LRRK1: variants seen among roughly 807,000 people sequenced by gnomAD.
LRRK1 encodes leucine rich repeat kinase 1.
A neutral mutation model predicts 209.1 loss-of-function variants in LRRK1; 113 were observed. The ratio of observed to expected loss-of-function variants is 0.54; its 90% CI spans 0.46 to 0.63. LRRK1 has a LOEUF of 0.63. Among genes scored for constraint, LRRK1 ranks in the 30% least tolerant of loss-of-function variants. LRRK1 has a pLI of 0.00. For synonymous variants in LRRK1, 1,144 were observed against 1,099.7 expected (o/e 1.04, Z -0.80); for missense variants, 2,284 against 2,632.2 (o/e 0.87, Z 2.89).
At chr15:100,978,416 C>G (rs8026165) in intron 3 of LRRK1, among the ~76,000 whole-genome samples, 1 of 151,906 alleles carries the variant, frequency 6.6e-6, no homozygotes, top group Non-Finnish European at 1.5e-5. Context: ...CAGGATATGC[C>G]CAGAGAAATC....
intron 20 of LRRK1, chr15:101,043,832 G>A (rs2034900642): frequency 2.0e-5 from 3 of 152,412 alleles, no homozygotes; most frequent in South Asian, 4.1e-4. Flanking sequence ...AAAATATTCA[G>A]ACCAGCAGAA....
chr15:100,956,553 C>T (rs1235008608), intron 2 of LRRK1, among the ~76,000 whole-genome samples: 2 of 148,894 alleles, frequency 1.3e-5, no homozygotes, highest in Non-Finnish European at 3.0e-5. Flanking sequence ...GCAGCCTCCA[C>T]CTCCCGGGTT....
Position 100,988,706 on chromosome 15 carries a change from T to C in LRRK1, c.506T>C (p.Val169Ala). Residue 169 changes from valine (V) to alanine (A), a missense_variant, in exon 5 of 34, where the codon GTG becomes GCG. By Grantham distance (64) the Val-to-Ala change is moderately conservative (BLOSUM62 0). Coordinates refer to ENST00000388948, the MANE Select transcript of LRRK1 (RefSeq NM_024652.6). ...TGCCAGCGAGGGCACCTGGGGGTTGTGAAGCTCCTGGTCCTGACGCACGGG... is the reference window on the plus strand; with the variant it reads ...TGCCAGCGAGGGCACCTGGGGGTTGCGAAGCTCCTGGTCCTGACGCACGGG... ...LACQRGHLGVVKLLVLTHGAD... is the reference protein window; with the variant it reads ...LACQRGHLGVAKLLVLTHGAD... 6.2e-7 allele frequency: 1 copy of C among 1,614,196 alleles called. No homozygotes were observed. The highest frequency in any genetic ancestry group is 8.5e-7 in the Non-Finnish European group (1 of 1,180,034).
In LRRK1 at chr15:101,074,237, A is replaced by G. The variant is rs1005662721; in HGVS notation, c.*5389A>G. 1.3e-5 allele frequency: 2 copies of G among 151,948 alleles called. No individual in the cohort carries two copies. Among genetic ancestry groups the G allele is most frequent in the Admixed American group, 1.3e-4 (2 of 15,244 alleles). The allele number at this position is 151,948 out of a possible 1,614,324, so 9.4% of individuals were successfully genotyped here. ...AGGCTGCTCCTTGCCAGGCCGAGCT[A>G]GGTCCCAATTCTTCCTCAGCCTCCG... On this transcript the variant is annotated 3_prime_UTR_variant, in exon 34 of 34. Coordinates refer to ENST00000388948, the MANE Select transcript of LRRK1 (RefSeq NM_024652.6).
intron 4 of LRRK1, among the ~76,000 whole-genome samples, chr15:100,984,170 A>G (rs1332762096): frequency 1.3e-5 from 2 of 152,266 alleles, no homozygotes; most frequent in Admixed American, 6.5e-5. Context: ...CAGGTGCTAT[A>G]TTTCAGAACC....
chr15:100,982,600 C>G (rs574629137), intron 3 of LRRK1, among the ~76,000 whole-genome samples: 12 of 152,332 alleles, frequency 7.9e-5, no homozygotes, highest in African/African-American at 2.9e-4. Context: ...TTTCCTTCCT[C>G]TGGGCCACCA....
intron 2 of LRRK1, among the ~76,000 whole-genome samples, chr15:100,929,668 T>C (rs1297589486): frequency 2.6e-5 from 4 of 152,128 alleles, no homozygotes; most frequent in Admixed American, 2.6e-4. Context: ...CCAGCCCACA[T>C]CTCTGACCTG....
chr15:100,923,836 A>C (rs2042061301), intron 1 of LRRK1, among the ~76,000 whole-genome samples: 1 of 151,708 alleles, frequency 6.6e-6, no homozygotes, highest in Non-Finnish European at 1.5e-5. Flanking sequence ...GGCCTGTAGC[A>C]CTCTCCCCCA....
At chr15:101,062,774 G>A (rs777994070) in intron 31 of LRRK1, 84 bp downstream of exon 31, 197 of 963,072 alleles carry the variant, frequency 2.0e-4, no homozygotes, top group Non-Finnish European at 2.8e-4. Flanking sequence ...TCAGGGTGGC[G>A]CCTGCAGAGC....
At chr15:101,058,617 C>CGGGA (rs1555479977) in intron 29 of LRRK1, among the ~76,000 whole-genome samples, 1 of 75,366 alleles carries the variant, frequency 1.3e-5, no homozygotes, top group Non-Finnish European at 2.2e-5. Flanking sequence ...GAAGGGGCAA[C>CGGGA]GGGGGGGGGC....
chr15:101,049,485 G>A (rs573205371), intron 22 of LRRK1, 159 bp from the exon 23 acceptor site: 21 of 725,836 alleles, frequency 2.9e-5, no homozygotes, highest in South Asian at 1.1e-4. Context: ...GCAGGGCCAC[G>A]CACACGTACA....
chr15:100,965,782 T>A (rs2141642115), intron 2 of LRRK1, among the ~76,000 whole-genome samples: 2 of 152,338 alleles, frequency 1.3e-5, no homozygotes, highest in East Asian at 3.9e-4. Context: ...GTATTAGCTT[T>A]ACATTAAAAG....
intron 2 of LRRK1, among the ~76,000 whole-genome samples, chr15:100,942,184 G>A (rs2042451821): frequency 6.6e-6 from 1 of 152,216 alleles, no homozygotes; most frequent in African/African-American, 2.4e-5. Flanking sequence ...AATACTGAGT[G>A]AGAATGTCAA....
chr15:101,060,877 G>A (rs566561021), intron 29 of LRRK1, among the ~76,000 whole-genome samples: 19 of 152,374 alleles, frequency 1.2e-4, no homozygotes, highest in East Asian at 3.9e-4. Flanking sequence ...TAACAGGGGC[G>A]GGCAGGATAT....
chr15:101,057,452 G>C (rs1371936082), intron 28 of LRRK1, among the ~76,000 whole-genome samples: 1 of 152,164 alleles, frequency 6.6e-6, no homozygotes, highest in East Asian at 1.9e-4. Flanking sequence ...TGGTGTTTTT[G>C]TGTTTTTGGA....
chr15:100,924,784 T>G, intron 2 of LRRK1, 55 bp downstream of exon 2: 3 of 1,342,452 alleles, frequency 2.2e-6, no homozygotes, highest in Non-Finnish European at 2.1e-6. Context: ...ATGCTCATCC[T>G]GCAGGGTGTC....
chr15:100,994,871 G>A (rs1347075771), intron 6 of LRRK1, among the ~76,000 whole-genome samples: 2 of 152,166 alleles, frequency 1.3e-5, no homozygotes, highest in Admixed American at 1.3e-4. Context: ...AGAGGGTTCC[G>A]GCAGTCAGGA....
intron 31 of LRRK1, among the ~76,000 whole-genome samples, chr15:101,063,249 C>T (rs1285201904): frequency 6.6e-6 from 1 of 152,218 alleles, no homozygotes; most frequent in East Asian, 1.9e-4. Context: ...CATTAAAGGC[C>T]CAGCCAGCTG....
At chr15:101,025,038 G>A in intron 16 of LRRK1, 71 bp downstream of exon 16, 1 of 1,492,890 alleles carries the variant, frequency 6.7e-7, no homozygotes, top group Non-Finnish European at 9.2e-7. Flanking sequence ...CTTCCCTCAA[G>A]CATCCCCTGT....
Sources: allele counts gnomAD v4.1 joint callset (sites outside exome capture counted in the v4.1 genomes callset), GRCh38; gene constraint gnomAD v4.1.1; transcripts MANE v1.5; gene names NCBI Gene and HGNC (gene_info 2026-07-23, HGNC 2026-07-21).